Variants in HUNK observed in about 807,000 individuals in gnomAD.
HUNK encodes hormonally up-regulated neu tumor-associated kinase.
HUNK carries 21 observed loss-of-function variants against 61.0 expected under a neutral mutation model. The ratio of observed to expected loss-of-function variants is 0.34; its 90% CI spans 0.24 to 0.50. HUNK has a LOEUF of 0.50. Among genes scored for constraint, HUNK ranks in the 20% least tolerant of loss-of-function variants. The probability of loss-of-function intolerance (pLI) is 0.98; values close to 1 mark genes in which losing one functional copy is unlikely to be tolerated. For missense variants in HUNK, 772 were observed against 945.7 expected (o/e 0.82, Z 2.41); for synonymous variants, 371 against 386.1 (o/e 0.96, Z 0.46).
intron 7 of HUNK, among the ~76,000 whole-genome samples, chr21:31,980,280 C>G (rs992482475): frequency 2.0e-5 from 3 of 151,986 alleles, no homozygotes; most frequent in Admixed American, 6.6e-5. Context: ...CTATGTTGGC[C>G]AGGCTGGTCT....
At position 31,995,788 on chromosome 21, in the gene HUNK, A is replaced by T; in HGVS notation, c.1326A>T (p.Gln442His). 1 of 1,614,120 alleles carries T rather than the reference A, an allele frequency of 6.2e-7. No homozygotes were observed. The highest frequency in any genetic ancestry group is 1.1e-5 in the South Asian group (1 of 91,072). The change falls in exon 10 of 11, where the codon CAA becomes CAT. Residue 442 changes from glutamine to histidine, a missense_variant. Physicochemically the swap from Gln to His is conservative, Grantham distance 24. Coordinates refer to ENST00000270112, the MANE Select transcript of HUNK (RefSeq NM_014586.2). ...TGTAGGATAAAAAGCCCAAAGAACAAGAAAAAAGAGGGGATTTTCTTCATC... is the reference window on the plus strand; with the variant it reads ...TGTAGGATAAAAAGCCCAAAGAACATGAAAAAAGAGGGGATTTTCTTCATC... The part of the protein sequence containing the change: ...HAVQDKKPKE[Q>H]EKRGDFLHRP...
intron 6 of HUNK, 86 bp downstream of exon 6, chr21:31,968,471 G>A (rs1350233068): frequency 8.1e-5 from 123 of 1,511,898 alleles, no homozygotes; most frequent in Non-Finnish European, 1.1e-4. Context: ...AAAGCTGTCC[G>A]TGATTGAAGG....
chr21:31,950,293 C>T (rs1255643581), intron 4 of HUNK, among the ~76,000 whole-genome samples: 3 of 151,982 alleles, frequency 2.0e-5, no homozygotes, highest in Non-Finnish European at 4.4e-5. Flanking sequence ...AGGAAGGTGT[C>T]AGGGAAGAAG....
intron 5 of HUNK, among the ~76,000 whole-genome samples, chr21:31,959,186 G>A (rs2052910745): frequency 6.6e-6 from 1 of 152,082 alleles, no homozygotes; most frequent in African/African-American, 2.4e-5. Context: ...TTCCTGTTCT[G>A]TTCTATCTGA....
rs151314440 is a variant in HUNK, at chr21:31,937,350, A to G, written c.555-2815A>G. On this transcript the variant is annotated intron_variant, in intron 2 of 10. Transcript: ENST00000270112. ...GGAACCCAGTAGGAAGGAAGGTAAA[A>G]GCATTTATGGGGCTTTAATAATAAC... 5.9e-5 allele frequency among the ~76,000 whole-genome samples: 9 copies of G among 152,306 alleles called. No homozygotes were observed. The East Asian group carries it at 1.7e-3, about 29-fold the overall frequency.
In HUNK at chr21:31,979,734, C is replaced by G. The variant is rs182866343; in HGVS notation, c.1174-3792C>G. Among the ~76,000 whole-genome samples, 1,308 of 151,880 alleles carry G rather than the reference C, an allele frequency of 8.6e-3. 7 individuals carry two copies. The highest frequency in any genetic ancestry group is 0.015 in the Non-Finnish European group (1,029 of 67,974). ...GTTTCACCGTGTTAGCCAGGATGGTCTCAATCTCCTGACCTCGTGATCTGC... is the reference window on the plus strand; with the variant it reads ...GTTTCACCGTGTTAGCCAGGATGGTGTCAATCTCCTGACCTCGTGATCTGC... On this transcript the variant is annotated intron_variant, in intron 7 of 10. Coordinates refer to ENST00000270112, the MANE Select transcript of HUNK (RefSeq NM_014586.2).
intron 9 of HUNK, among the ~76,000 whole-genome samples, chr21:31,993,228 G>T (rs1045577295): frequency 3.3e-5 from 5 of 152,106 alleles, no homozygotes; most frequent in African/African-American, 1.2e-4. Context: ...AAACCCCCAC[G>T]CATTACACAC....
At chr21:31,944,839 A>C (rs968202645) in intron 3 of HUNK, among the ~76,000 whole-genome samples, 4 of 152,172 alleles carry the variant, frequency 2.6e-5, no homozygotes, top group East Asian at 1.9e-4. Flanking sequence ...CTTTTTAGAA[A>C]AGCTTAACGC....
intron 5 of HUNK, among the ~76,000 whole-genome samples, chr21:31,961,770 A>G (rs377647112): frequency 1.3e-5 from 2 of 152,200 alleles, no homozygotes; most frequent in South Asian, 2.1e-4. Context: ...ATAACAAAGG[A>G]CAAAAGGAGG....
chr21:31,889,424 A>G (rs2052371175), intron 1 of HUNK, among the ~76,000 whole-genome samples: 1 of 152,240 alleles, frequency 6.6e-6, no homozygotes, highest in South Asian at 2.1e-4. Context: ...TATCACTTAT[A>G]TAATCTGGTT....
At chr21:31,885,085 C>T (rs937325632) in intron 1 of HUNK, among the ~76,000 whole-genome samples, 91 of 152,106 alleles carry the variant, frequency 6.0e-4, no homozygotes, top group African/African-American at 2.2e-3. Context: ...GCCAAATTGT[C>T]TGTTCTTTAT....
chr21:31,980,117 G>C (rs1482432580), intron 7 of HUNK, among the ~76,000 whole-genome samples: 1 of 152,056 alleles, frequency 6.6e-6, no homozygotes, highest in African/African-American at 2.4e-5. Flanking sequence ...TGTCACCCAA[G>C]CTGGAGTGCA....
chr21:31,890,212 C>T (rs1164445548), intron 1 of HUNK, among the ~76,000 whole-genome samples: 5 of 151,418 alleles, frequency 3.3e-5, no homozygotes, highest in Non-Finnish European at 7.4e-5. Flanking sequence ...ATTGCATTAT[C>T]CATTCTCTCT....
At chr21:31,919,086 G>A (rs1366379269) in intron 1 of HUNK, among the ~76,000 whole-genome samples, 1 of 105,660 alleles carries the variant, frequency 9.5e-6, no homozygotes, top group South Asian at 3.8e-4. Flanking sequence ...TGGACTGAGC[G>A]GTATGAGGAG....
chr21:31,983,722 TACTTACGCTCATA>T (rs2053114163), intron 8 of HUNK, 113 bp downstream of exon 8: 1 of 737,936 alleles, frequency 1.4e-6, no homozygotes, highest in South Asian at 1.6e-5. Context: ...AAAAGACACA[TACTTACGCTCATA>T]ACTGAGCCCT....
rs551953397 is a variant in HUNK, at chr21:32,000,516, T to A, written c.*1332T>A. On this transcript the variant is annotated 3_prime_UTR_variant, in exon 11 of 11. Coordinates refer to ENST00000270112, the MANE Select transcript of HUNK (RefSeq NM_014586.2). ...AGGGTGCAGTCATTGGTGAGAAGAA[T>A]CAGAAAAAGAAGACCCATCAGCACA... is the stretch of plus-strand genomic sequence containing the variant. 43 of 399,082 alleles carry A rather than the reference T, an allele frequency of 1.1e-4. No homozygotes were observed. Among genetic ancestry groups the A allele is most frequent in the African/African-American group, 8.4e-4 (41 of 48,698 alleles). 24.7% of individuals were successfully genotyped at this position (399,082 alleles called of 1,614,324 possible). A position where few individuals can be genotyped will look rare whatever the true frequency, so the allele number is the denominator to read the frequency against.
At chr21:31,971,315 G>A (rs1314967671) in intron 6 of HUNK, among the ~76,000 whole-genome samples, 2 of 151,958 alleles carry the variant, frequency 1.3e-5, no homozygotes, top group Non-Finnish European at 2.9e-5. Context: ...CAAGTGATCC[G>A]CCTGCTGCAG....
At chr21:31,925,389 T>C (rs1601381531) in intron 2 of HUNK, among the ~76,000 whole-genome samples, 1 of 152,326 alleles carries the variant, frequency 6.6e-6, no homozygotes, top group East Asian at 1.9e-4. Context: ...GTTTGTTACC[T>C]AGTAGGTATC....
chr21:31,914,555 C>T (rs2052569197), intron 1 of HUNK, among the ~76,000 whole-genome samples: 1 of 152,076 alleles, frequency 6.6e-6, no homozygotes, highest in African/African-American at 2.4e-5. Flanking sequence ...CCTGCTCAGG[C>T]TGCCACAACA....
Sources: allele counts gnomAD v4.1 joint callset (sites outside exome capture counted in the v4.1 genomes callset), GRCh38; gene constraint gnomAD v4.1.1; transcripts MANE v1.5; gene names NCBI Gene and HGNC (gene_info 2026-07-23, HGNC 2026-07-21).